The following RMDN3 variants were observed in gnomAD, a reference collection of about 807,000 sequenced individuals.
RMDN3 encodes regulator of microtubule dynamics 3, also known as regulator of microtubule dynamics protein 3.
A neutral mutation model predicts 61.8 loss-of-function variants in RMDN3; 41 were observed. The observed-to-expected ratio is 0.66, with a 90% CI of 0.52 to 0.86. The LOEUF is 0.86. Among genes scored for constraint, RMDN3 ranks in the 40% least tolerant of loss-of-function variants. RMDN3 has a pLI of 0.00. For missense variants in RMDN3, 557 were observed against 585.3 expected (o/e 0.95, Z 0.50); for synonymous variants, 247 against 232.0 (o/e 1.06, Z -0.59).
chr15:40,745,111 T>C lies in RMDN3; in HGVS notation c.673A>G (p.Ser225Gly). The part of the protein sequence containing the change: ...LEEEAASGAS[S>G]ALEAGGSSGL... ...GAGGAACCTCCAGCCTCCAGGGCAC[T>C]GGAGGCACCTGAAGCTGCCTCTTCC... Residue 225 changes from serine to glycine, a missense_variant, in exon 5 of 13, where the codon AGT (serine) becomes GGT (glycine). Physicochemically the swap from Ser to Gly is moderately conservative, Grantham distance 56 (BLOSUM62 0). Coordinates refer to ENST00000338376, the MANE Select transcript of RMDN3 (RefSeq NM_018145.3). 2.5e-6 allele frequency: 4 copies of C among 1,614,170 alleles called. No individual in the cohort carries two copies. The highest frequency in any genetic ancestry group is 1.6e-4 in the Middle Eastern group (1 of 6,062).
intron 10 of RMDN3, 71 bp from the exon 11 acceptor site, chr15:40,737,412 AG>A: frequency 7.0e-7 from 1 of 1,432,214 alleles, no homozygotes; most frequent in East Asian, 2.3e-5. Flanking sequence ...TTATTAAACT[AG>A]ATTTCTAGTC....
In RMDN3 at chr15:40,751,557, T is replaced by C. The variant is rs142747972; in HGVS notation, c.393A>G (p.Glu131=). The C allele has an allele frequency of 1.1e-5, 17 of 1,614,096 alleles. No individual in the cohort carries two copies. The highest frequency in any genetic ancestry group is 1.4e-5 in the Non-Finnish European group (16 of 1,180,052). The part of the protein sequence containing the change: ...EIVGEVRCHM[E]ENQRVARRRR... ...GCCGCCGAGCCACTCTCTGGTTCTC[T>C]TCCATGTGGCATCTGGAAAGCAGGC... The change falls in exon 4 of 13, where the codon GAA becomes GAG. Residue 131 remains glutamate (E), a synonymous_variant. Transcript: ENST00000338376.
At chr15:40,738,681 C>G in intron 7 of RMDN3, 105 bp from the exon 8 acceptor site, 2 of 1,075,410 alleles carry the variant, frequency 1.9e-6, no homozygotes. Context: ...TCCCTGTACC[C>G]TCAACTAGAG....
chr15:40,736,706 C>CT (rs1195546686), intron 12 of RMDN3, 112 bp from the exon 13 acceptor site: 3 of 864,852 alleles, frequency 3.5e-6, no homozygotes, highest in Admixed American at 4.6e-5. Context: ...CTGCTACAGT[C>CT]TTTTTCCTAC....
At chr15:40,744,281 C>T in intron 5 of RMDN3, 132 bp from the exon 6 acceptor site, 1 of 733,716 alleles carries the variant, frequency 1.4e-6, no homozygotes, top group Non-Finnish European at 2.3e-6. Context: ...CAGGCCAGCT[C>T]CTACACGCAG....
Position 40,736,328 on chromosome 15 carries a change from A to ACT in RMDN3, c.*212_*213insAG. The stretch of plus-strand genomic sequence containing the variant: ...TTTAAGAGATTACTCAAGGGAGAGA[A>ACT]CAACAGAAACGGAAGCCATGAGTAC... On this transcript the variant is annotated 3_prime_UTR_variant, in exon 13 of 13. Coordinates refer to ENST00000338376, the MANE Select transcript of RMDN3 (RefSeq NM_018145.3). The ACT allele has an allele frequency of 3.8e-6, 2 of 519,976 alleles. No homozygotes were observed. Among genetic ancestry groups the ACT allele is most frequent in the South Asian group, 6.0e-5 (2 of 33,078 alleles). The allele number at this position is 519,976 out of a possible 1,614,324, so 32.2% of individuals were successfully genotyped here. A position where few individuals can be genotyped will look rare whatever the true frequency, so the allele number is the denominator to read the frequency against.
At chr15:40,753,786 C>G (rs916952047) in intron 2 of RMDN3, among the ~76,000 whole-genome samples, 11 of 152,126 alleles carry the variant, frequency 7.2e-5, no homozygotes, top group African/African-American at 2.7e-4. Context: ...GAAAGTTATA[C>G]CATCTTTTTG....
chr15:40,747,683 T>A (rs1897632572), intron 4 of RMDN3: 1 of 152,106 alleles, frequency 6.6e-6, no homozygotes, highest in African/African-American at 2.4e-5. Flanking sequence ...GAAAAGGCCC[T>A]TTGGTCCTGT....
chr15:40,743,417 TAAAAA>T (rs11300441), intron 6 of RMDN3, among the ~76,000 whole-genome samples: 1 of 144,778 alleles, frequency 6.9e-6, no homozygotes, highest in Non-Finnish European at 1.5e-5. Flanking sequence ...AAAGACTGTT[TAAAAA>T]AAAAAAAAAA....
At chr15:40,746,325 C>CT (rs1897553428) in intron 4 of RMDN3, among the ~76,000 whole-genome samples, 1 of 152,016 alleles carries the variant, frequency 6.6e-6, no homozygotes, top group African/African-American at 2.4e-5. Context: ...ACCATCCTGG[C>CT]TAACACGGTG....
intron 4 of RMDN3, among the ~76,000 whole-genome samples, chr15:40,749,045 C>T (rs763500846): frequency 3.9e-5 from 6 of 151,914 alleles, no homozygotes; most frequent in Non-Finnish European, 8.8e-5. Context: ...CTGGGATTAC[C>T]GGTGCCTGCC....
In RMDN3 at chr15:40,745,134, T is replaced by G; in HGVS notation, c.650A>C (p.Glu217Ala). Residue 217 changes from glutamate (E) to alanine (A), a missense_variant, in exon 5 of 13, where the codon GAA becomes GCA. By Grantham distance (107) the Glu-to-Ala change is moderately radical. Coordinates refer to ENST00000338376, the MANE Select transcript of RMDN3 (RefSeq NM_018145.3). ...MGRKDSLDLEEEAASGASSAL... is the reference protein window; with the variant it reads ...MGRKDSLDLEAEAASGASSAL... ...ACTGGAGGCACCTGAAGCTGCCTCTTCCTCCAAGTCAAGAGAATCCTTTCT... is the reference window on the plus strand; with the variant it reads ...ACTGGAGGCACCTGAAGCTGCCTCTGCCTCCAAGTCAAGAGAATCCTTTCT... The G allele has an allele frequency of 6.2e-7, 1 of 1,614,130 alleles. No individual in the cohort carries two copies.
intron 6 of RMDN3, among the ~76,000 whole-genome samples, chr15:40,742,687 T>C (rs1052169679): frequency 6.6e-5 from 10 of 152,324 alleles, no homozygotes; most frequent in African/African-American, 2.4e-4. Context: ...GCTTTGTCCA[T>C]GGGTGCTAAG....
In RMDN3 at chr15:40,754,582, G is replaced by T. The variant is rs376772782; in HGVS notation, c.187+15C>A. 69 of 1,603,960 alleles carry T rather than the reference G, an allele frequency of 4.3e-5. No homozygotes were observed. The African/African-American group carries it at 8.8e-4, about 21-fold the overall frequency. ...TAGTCTGCAGTGACCGCGGTCTCAG[G>T]AGACGGGCTCCTACCGTGGCGTCCG... On this transcript the variant is annotated intron_variant, in intron 2 of 12. Coordinates refer to ENST00000338376, the MANE Select transcript of RMDN3 (RefSeq NM_018145.3).
In RMDN3 at chr15:40,752,094, A is replaced by G. The variant is rs1408244076; in HGVS notation, c.272T>C (p.Leu91Pro). Residue 91 changes from leucine (L) to proline (P), a missense_variant, in exon 3 of 13, where the codon CTG becomes CCG. By Grantham distance (98) the Leu-to-Pro change is moderately conservative (BLOSUM62 -3). Coordinates refer to ENST00000338376, the MANE Select transcript of RMDN3 (RefSeq NM_018145.3). Reference protein sequence around the residue: ...SLPREGQEKVLDRLDFVLTSL... With the variant: ...SLPREGQEKVPDRLDFVLTSL... ...GGTCAGCACAAAGTCCAGGCGGTCC[A>G]GCACCTTCTCCTGTCCTTCCCGTGG... 2.5e-6 allele frequency: 4 copies of G among 1,614,090 alleles called. No homozygotes were observed. The Admixed American group carries it at 6.7e-5, about 27-fold the overall frequency.
At chr15:40,745,818 T>C (rs571247339) in intron 4 of RMDN3, among the ~76,000 whole-genome samples, 194 of 152,282 alleles carry the variant, frequency 1.3e-3, no homozygotes, top group African/African-American at 4.5e-3. Context: ...TCAGAGACAC[T>C]TGCCACAACC....
intron 4 of RMDN3, among the ~76,000 whole-genome samples, chr15:40,745,620 C>T (rs1897505772): frequency 6.6e-6 from 1 of 152,036 alleles, no homozygotes. Flanking sequence ...CCCACCTCGG[C>T]CTCCCAAAGT....
chr15:40,741,412 C>CA (rs1316407954), intron 6 of RMDN3, among the ~76,000 whole-genome samples: 4 of 152,064 alleles, frequency 2.6e-5, no homozygotes, highest in African/African-American at 9.7e-5. Flanking sequence ...AACTCTTTCA[C>CA]AAGAGCCACA....
chr15:40,751,531 C>G lies in RMDN3; in HGVS notation c.419G>C (p.Arg140Pro), dbSNP rs201085900. The change falls in exon 4 of 13, where the codon CGA becomes CCA. Residue 140 changes from arginine (R) to proline (P), a missense_variant. Physicochemically the swap from Arg to Pro is moderately radical, Grantham distance 103. Coordinates refer to ENST00000338376, the MANE Select transcript of RMDN3 (RefSeq NM_018145.3). ...CCTCTCCCGGACAAACGGAAACCTT[C>G]GCCGCCGAGCCACTCTCTGGTTCTC... ...MEENQRVARR[R>P]RFPFVRERSD... 6.2e-7 allele frequency: 1 copy of G among 1,614,104 alleles called. No individual in the cohort carries two copies. The highest frequency in any genetic ancestry group is 1.1e-5 in the South Asian group (1 of 91,080).
Sources: allele counts gnomAD v4.1 joint callset (sites outside exome capture counted in the v4.1 genomes callset), GRCh38; gene constraint gnomAD v4.1.1; transcripts MANE v1.5; gene names NCBI Gene and HGNC (gene_info 2026-07-23, HGNC 2026-07-21).